Variants in GNAL observed in about 807,000 individuals in gnomAD.
GNAL encodes G protein subunit alpha L, also known as guanine nucleotide-binding protein G(olf) subunit alpha.
In GNAL, 18 loss-of-function variants were observed where a neutral mutation model predicts 55.1. That is an observed-to-expected ratio of 0.33 (90% CI 0.23 to 0.48). The LOEUF (loss-of-function observed/expected upper bound fraction) is 0.48. Among genes scored for constraint, GNAL ranks in the 20% least tolerant of loss-of-function variants. The pLI is 0.99. For synonymous variants in GNAL, 253 were observed against 237.0 expected (o/e 1.07, Z -0.62); for missense variants, 412 against 614.1 (o/e 0.67, Z 3.48).
At chr18:11,821,930 G>C (rs1169050186) in intron 4 of GNAL, among the ~76,000 whole-genome samples, 1 of 152,264 alleles carries the variant, frequency 6.6e-6, no homozygotes, top group African/African-American at 2.4e-5. Flanking sequence ...AGTGTGGCCC[G>C]GTGGCCAGAA....
At chr18:11,790,561 G>A (rs1294012347) in intron 4 of GNAL, among the ~76,000 whole-genome samples, 1 of 151,370 alleles carries the variant, frequency 6.6e-6, no homozygotes, top group Non-Finnish European at 1.5e-5. Flanking sequence ...GTGTTAACAT[G>A]TTTGATTTTT....
chr18:11,689,613 A>C lies in GNAL; in HGVS notation c.50A>C (p.Asp17Ala). Residue 17 changes from aspartate to alanine, a missense_variant, in exon 1 of 12, where the codon GAC becomes GCC. By Grantham distance (126) the Asp-to-Ala change is moderately radical. Around this residue, in one of 5 missense-constraint regions of GNAL, gnomAD observed 228 missense variants for 194.8 expected, o/e 1.17. Transcript: ENST00000334049. ...CCGCTGCTTTTCGGGGGCCCAGGGGACGACCCCTGCGCGGCCTCGGAGCCG... is the reference window on the plus strand; with the variant it reads ...CCGCTGCTTTTCGGGGGCCCAGGGGCCGACCCCTGCGCGGCCTCGGAGCCG... ...LRPLLFGGPG[D>A]DPCAASEPPV... 3 of 1,346,970 alleles carry C rather than the reference A, an allele frequency of 2.2e-6. No individual in the cohort carries two copies. The highest frequency in any genetic ancestry group is 2.8e-6 in the Non-Finnish European group (3 of 1,059,824). The allele number at this position is 1,346,970 out of a possible 1,614,324, so 83.4% of individuals were successfully genotyped here. A position where few individuals can be genotyped will look rare whatever the true frequency, so the allele number is the denominator to read the frequency against.
At chr18:11,875,571 A>ACCTCCCCCATCTCTCTCT (rs1405473283) in intron 10 of GNAL, among the ~76,000 whole-genome samples, 2 of 151,330 alleles carry the variant, frequency 1.3e-5, no homozygotes, top group Non-Finnish European at 2.9e-5. Context: ...AGGGTGTAGC[A>ACCTCCCCCATCTCTCTCT]CCTCCCCCAT....
chr18:11,832,567 A>T (rs1361056932), intron 5 of GNAL, among the ~76,000 whole-genome samples: 2 of 152,172 alleles, frequency 1.3e-5, no homozygotes, highest in Admixed American at 6.5e-5. Context: ...TTTTAAAATG[A>T]AAGGAATTGA....
In GNAL at chr18:11,788,914, A is replaced by AAAAAAAAT. The variant is rs60071996; in HGVS notation, c.624+34970_624+34971insAAAAAATA. Among the ~76,000 whole-genome samples the AAAAAAAAT allele has an allele frequency of 9.2e-3, 516 of 56,228 alleles. 28 individuals are homozygous for AAAAAAAAT. Among genetic ancestry groups the AAAAAAAAT allele is most frequent in the African/African-American group, 0.045 (447 of 9,962 alleles). The allele number at this position is 56,228 out of a possible 152,430, so 36.9% of individuals were successfully genotyped here. A position where few individuals can be genotyped will look rare whatever the true frequency, so the allele number is the denominator to read the frequency against. On this transcript the variant is annotated intron_variant, in intron 4 of 11. Transcript: ENST00000334049. Reference sequence around the variant, plus strand: ...TCCGTCTCGAAAAAAAAAAAAAAAAAATATATATATATATATATATATACA... The same window carrying AAAAAAAAT: ...TCCGTCTCGAAAAAAAAAAAAAAAAAAAAAAAATATATATATATATATATATATATACA...
At position 11,828,377 on chromosome 18, in the gene GNAL, T is replaced by C. The variant is rs2035301795; in HGVS notation, c.722+3362T>C. 2.6e-5 allele frequency among the ~76,000 whole-genome samples: 4 copies of C among 152,082 alleles called. No homozygotes were observed. The South Asian group carries it at 8.3e-4, about 31-fold the overall frequency. ...TATCATTGTGCCACACACTCCAGCC[T>C]GGGCGACAGAGTGAGACCCTGTCTC... On this transcript the variant is annotated intron_variant, in intron 5 of 11. Transcript: ENST00000334049.
intron 4 of GNAL, chr18:11,810,362 T>C (rs1238368319): frequency 6.6e-6 from 1 of 152,384 alleles, no homozygotes; most frequent in African/African-American, 2.4e-5. Flanking sequence ...ATCACTGCGC[T>C]CCAGCCTGAG....
At chr18:11,832,809 GA>G (rs1260917886) in intron 5 of GNAL, among the ~76,000 whole-genome samples, 1 of 151,830 alleles carries the variant, frequency 6.6e-6, no homozygotes, top group Non-Finnish European at 1.5e-5. Flanking sequence ...TCAGTGAGCC[GA>G]GACCACGCCA....
chr18:11,861,765 G>A (rs2036144825), intron 5 of GNAL, among the ~76,000 whole-genome samples: 1 of 151,990 alleles, frequency 6.6e-6, no homozygotes, highest in African/African-American at 2.4e-5. Context: ...GACACAGTGG[G>A]CGCCAGGCAG....
chr18:11,696,422 G>A (rs572625324), intron 1 of GNAL, among the ~76,000 whole-genome samples: 36 of 151,616 alleles, frequency 2.4e-4, no homozygotes, highest in African/African-American at 8.7e-4. Flanking sequence ...GGAGAATGGC[G>A]TGAACCCGGA....
chr18:11,853,559 T>C (rs529694769), intron 5 of GNAL: 6 of 167,182 alleles, frequency 3.6e-5, no homozygotes, highest in African/African-American at 1.4e-4. Flanking sequence ...CCTTCCAAGT[T>C]CTTTGAAAGA....
chr18:11,784,792 G>A (rs1355592901), intron 4 of GNAL, among the ~76,000 whole-genome samples: 4 of 152,300 alleles, frequency 2.6e-5, no homozygotes, highest in East Asian at 1.9e-4. Context: ...GTCTCTGAGC[G>A]TGGAAGAAAC....
intron 4 of GNAL, among the ~76,000 whole-genome samples, chr18:11,789,597 A>G (rs1488720055): frequency 6.6e-6 from 1 of 152,260 alleles, no homozygotes; most frequent in African/African-American, 2.4e-5. Context: ...TCCAGTTATC[A>G]TTGTATAGAT....
intron 4 of GNAL, among the ~76,000 whole-genome samples, chr18:11,770,396 A>G (rs1177876140): frequency 6.6e-6 from 1 of 152,200 alleles, no homozygotes; most frequent in Non-Finnish European, 1.5e-5. Context: ...AAAAAAGAAA[A>G]AAGGGAAAAC....
intron 11 of GNAL, among the ~76,000 whole-genome samples, chr18:11,877,851 G>C (rs765081082): frequency 1.3e-5 from 2 of 152,210 alleles, no homozygotes; most frequent in Admixed American, 6.5e-5. Flanking sequence ...CCCAGGGTGA[G>C]TTCAGAGGAC....
chr18:11,813,203 C>T (rs1005141832), intron 4 of GNAL, among the ~76,000 whole-genome samples: 4 of 149,388 alleles, frequency 2.7e-5, no homozygotes, highest in South Asian at 2.1e-4. Context: ...TGCAGTGAGC[C>T]GAGATCGCTC....
chr18:11,787,880 A>AG (rs1421813780), intron 4 of GNAL, among the ~76,000 whole-genome samples: 1 of 151,942 alleles, frequency 6.6e-6, no homozygotes. Flanking sequence ...TCTCAAAAAA[A>AG]AAAAAAAGGA....
rs11873500 is a variant in GNAL, at chr18:11,707,751, G to A, written c.376+17812G>A. On this transcript the variant is annotated intron_variant, in intron 1 of 11. Transcript: ENST00000334049. ...AGAAGGCTGTTCCACCTCCATTGAAGGCTGTTGTTTAGTGTAGCCACTTCT... is the reference window on the plus strand; with the variant it reads ...AGAAGGCTGTTCCACCTCCATTGAAAGCTGTTGTTTAGTGTAGCCACTTCT... Among the ~76,000 whole-genome samples, 938 of 152,296 alleles carry A rather than the reference G, an allele frequency of 6.2e-3. 4 individuals are homozygous for A. Among genetic ancestry groups the A allele is most frequent in the African/African-American group, 0.021 (878 of 41,566 alleles).
chr18:11,752,399 T>C lies in GNAL; in HGVS notation c.377-454T>C. On this transcript the variant is annotated intron_variant, in intron 1 of 11. Coordinates refer to ENST00000334049, the MANE Select transcript of GNAL (RefSeq NM_182978.4). This position sits in a 1 kb window ranked among gnomAD's most constrained non-coding sequence, Gnocchi z 4.5. Reference sequence around the variant, plus strand: ...ACTCTCTATTGCTTTTTGCGCACATTCCTAACTTCCTGACGTCCATCCCAG... The same window carrying C: ...ACTCTCTATTGCTTTTTGCGCACATCCCTAACTTCCTGACGTCCATCCCAG... The C allele has an allele frequency of 1.3e-6, 2 of 1,587,540 alleles. No individual in the cohort carries two copies. Among genetic ancestry groups the C allele is most frequent in the Non-Finnish European group, 1.7e-6 (2 of 1,170,164 alleles).
Sources: allele counts gnomAD v4.1 joint callset (sites outside exome capture counted in the v4.1 genomes callset), GRCh38; gene constraint gnomAD v4.1.1; regional missense constraint gnomAD v4.1.1; non-coding constraint Gnocchi (gnomAD v3.1); transcripts MANE v1.5; gene names NCBI Gene and HGNC (gene_info 2026-07-23, HGNC 2026-07-21).